The following NSMCE1 variants were observed in gnomAD, a reference collection of about 807,000 sequenced individuals.
NSMCE1 encodes the protein NSE1 component of SMC5/6 complex.
NSMCE1 carries 18 observed loss-of-function variants against 29.6 expected under a neutral mutation model. That is an observed-to-expected ratio of 0.61 (90% CI 0.42 to 0.90). NSMCE1 has a LOEUF of 0.90. Ranked by LOEUF, NSMCE1 falls within the 40% of genes least tolerant of loss-of-function variation. The pLI is 0.00. For missense variants in NSMCE1, 314 were observed against 343.6 expected, an observed-to-expected ratio of 0.91 and a Z score of 0.68; for synonymous variants, 124 against 133.4, an observed-to-expected ratio of 0.93 and a Z score of 0.49.
intron 6 of NSMCE1, chr16:27,226,364 A>C (rs929257098): frequency 1.9e-5 from 5 of 257,268 alleles, no homozygotes; most frequent in African/African-American, 1.1e-4. Flanking sequence ...AAGCCCTGCA[A>C]ACCAGTGTTA....
At chr16:27,250,935 G>A (rs935798765) in intron 2 of NSMCE1, among the ~76,000 whole-genome samples, 98 of 140,566 alleles carry the variant, frequency 7.0e-4, no homozygotes, top group African/African-American at 2.5e-3. Flanking sequence ...TCTGCCTCCC[G>A]GATTCAAGCA....
chr16:27,226,980 T>A, intron 5 of NSMCE1, 144 bp from the exon 6 acceptor site: 1 of 634,874 alleles, frequency 1.6e-6, no homozygotes, highest in Non-Finnish European at 2.8e-6. Flanking sequence ...CCAACGGGCA[T>A]CAGCCACATC....
At chr16:27,247,298 T>A (rs1394053065) in intron 2 of NSMCE1, among the ~76,000 whole-genome samples, 3 of 152,190 alleles carry the variant, frequency 2.0e-5, no homozygotes, top group African/African-American at 7.2e-5. Flanking sequence ...TAAGGGTCTT[T>A]TCCCCTTTTG....
At chr16:27,225,872 C>T (rs1262030508) in intron 6 of NSMCE1, 26 bp from the exon 7 acceptor site, 24 of 1,612,442 alleles carry the variant, frequency 1.5e-5, no homozygotes, top group Non-Finnish European at 1.9e-5. Context: ...CCAATGACGG[C>T]GGAGCTGGTG....
intron 2 of NSMCE1, among the ~76,000 whole-genome samples, chr16:27,249,856 T>G (rs892714074): frequency 6.6e-6 from 1 of 152,248 alleles, no homozygotes; most frequent in Non-Finnish European, 1.5e-5. Context: ...TTGGGGAGAA[T>G]TGATACCTTA....
chr16:27,250,538 T>A (rs572048250), intron 2 of NSMCE1, among the ~76,000 whole-genome samples: 1 of 151,912 alleles, frequency 6.6e-6, no homozygotes, highest in African/African-American at 2.4e-5. Flanking sequence ...ATGCCTGTAA[T>A]CCCAGCACTT....
At chr16:27,237,735 T>C (rs968488128) in intron 2 of NSMCE1, among the ~76,000 whole-genome samples, 3 of 152,216 alleles carry the variant, frequency 2.0e-5, no homozygotes, top group Non-Finnish European at 2.9e-5. Flanking sequence ...TTCTGATCTA[T>C]TGGACTTTCC....
chr16:27,259,482 A>T (rs536741636), intron 1 of NSMCE1, among the ~76,000 whole-genome samples: 11 of 152,280 alleles, frequency 7.2e-5, no homozygotes, highest in African/African-American at 2.2e-4. Flanking sequence ...CAAATGAAGG[A>T]TCTCTACAAA....
rs5816427 is a variant in NSMCE1, at chr16:27,265,161, C to CTTTTTTT, written c.-12+3538_-12+3544dup. Among the ~76,000 whole-genome samples, 634 of 82,670 alleles carry CTTTTTTT rather than the reference C, an allele frequency of 7.7e-3. 8 individuals carry two copies. Among genetic ancestry groups the CTTTTTTT allele is most frequent in the Middle Eastern group, 0.011 (1 of 94 alleles). The allele number at this position is 82,670 out of a possible 152,430, so 54.2% of individuals were successfully genotyped here. A position where few individuals can be genotyped will look rare whatever the true frequency, so the allele number is the denominator to read the frequency against. On this transcript the variant is annotated intron_variant, in intron 1 of 7. Transcript: ENST00000361439. ...TGCTGGGAGAGTATAAATTCTTTTC[C>CTTTTTTT]TTTTTTTTTTTTTTTTTTTTTTTTG...
intron 1 of NSMCE1, among the ~76,000 whole-genome samples, chr16:27,267,305 C>T (rs979171172): frequency 6.6e-6 from 1 of 152,120 alleles, no homozygotes; most frequent in East Asian, 1.9e-4. Context: ...TCATACCATT[C>T]GTGCGGGTGC....
chr16:27,249,107 G>C (rs1254053632), intron 2 of NSMCE1, among the ~76,000 whole-genome samples: 1 of 152,192 alleles, frequency 6.6e-6, no homozygotes, highest in Admixed American at 6.5e-5. Flanking sequence ...TGGGATTACA[G>C]GTGTGAGCCA....
chr16:27,238,368 C>T (rs2083851175), intron 2 of NSMCE1, among the ~76,000 whole-genome samples: 1 of 152,058 alleles, frequency 6.6e-6, no homozygotes, highest in Non-Finnish European at 1.5e-5. Context: ...TACAGGCCTT[C>T]CCCAACCAGA....
chr16:27,240,899 C>T (rs1007812442), intron 2 of NSMCE1, among the ~76,000 whole-genome samples: 1 of 152,100 alleles, frequency 6.6e-6, no homozygotes, highest in Admixed American at 6.5e-5. Context: ...GGATCAAGAG[C>T]TCATCTCTAC....
chr16:27,242,066 A>G (rs544637043), intron 2 of NSMCE1, among the ~76,000 whole-genome samples: 1 of 152,352 alleles, frequency 6.6e-6, no homozygotes, highest in African/African-American at 2.4e-5. Context: ...CATAAATAAA[A>G]CAAGATCAGT....
intron 1 of NSMCE1, among the ~76,000 whole-genome samples, chr16:27,265,512 T>C (rs888162103): frequency 6.6e-6 from 1 of 152,178 alleles, no homozygotes; most frequent in African/African-American, 2.4e-5. Flanking sequence ...TTGATATTAC[T>C]AGCAAATTTG....
chr16:27,251,156 T>TAA lies in NSMCE1; in HGVS notation c.136+6277_136+6278dup, dbSNP rs1245663933. On this transcript the variant is annotated intron_variant, in intron 2 of 7. Coordinates refer to ENST00000361439, the MANE Select transcript of NSMCE1 (RefSeq NM_145080.4). ...GCGCCCAGCCTTAATTTTAATTATT[T>TAA]AAAATATATATATATATATATATAT... is the stretch of plus-strand genomic sequence containing the variant. 3.3e-4 allele frequency among the ~76,000 whole-genome samples: 22 copies of TAA among 66,216 alleles called. 1 individual carries two copies. The highest frequency in any genetic ancestry group is 5.9e-4 in the South Asian group (1 of 1,686). 43.4% of individuals were successfully genotyped at this position (66,216 alleles called of 152,430 possible). A position where few individuals can be genotyped will look rare whatever the true frequency, so the allele number is the denominator to read the frequency against.
intron 2 of NSMCE1, among the ~76,000 whole-genome samples, chr16:27,249,649 T>C (rs1034047803): frequency 5.3e-5 from 8 of 152,256 alleles, no homozygotes; most frequent in Non-Finnish European, 1.2e-4. Flanking sequence ...ATGACATGAC[T>C]ACCACACTGT....
chr16:27,262,938 G>GA (rs903662548), intron 1 of NSMCE1, among the ~76,000 whole-genome samples: 22 of 151,936 alleles, frequency 1.4e-4, no homozygotes, highest in Admixed American at 5.9e-4. Context: ...ACAAGCATAT[G>GA]AAAAAAAAGC....
intron 1 of NSMCE1, among the ~76,000 whole-genome samples, chr16:27,262,813 A>C (rs186771146): frequency 6.6e-6 from 1 of 152,320 alleles, no homozygotes; most frequent in Admixed American, 6.5e-5. Context: ...GACAACCTAC[A>C]GAATGGGAGA....
Sources: gnomAD v4.1 joint callset for allele counts (sites outside exome capture counted in the v4.1 genomes callset) on GRCh38, gnomAD v4.1.1 for gene constraint, MANE v1.5 for transcripts, NCBI Gene and HGNC (gene_info 2026-07-23, HGNC 2026-07-21) for gene names.